CDON: variants seen among roughly 807,000 people sequenced by gnomAD.
CDON encodes cell adhesion associated, oncogene regulated, also known as cell adhesion molecule-related/down-regulated by oncogenes.
Under a neutral mutation model 120.9 loss-of-function variants are expected in CDON, and 73 were observed. The ratio of observed to expected loss-of-function variants is 0.60; its 90% CI spans 0.50 to 0.73. The LOEUF (loss-of-function observed/expected upper bound fraction) is 0.73, where lower values mean the gene tolerates loss of function less well. Among genes scored for constraint, CDON ranks in the 30% least tolerant of loss-of-function variants. CDON has a pLI of 0.00. For synonymous variants in CDON, 566 were observed against 573.5 expected, an observed-to-expected ratio of 0.99 and a Z score of 0.19; for missense variants, 1,470 against 1,587.3, an observed-to-expected ratio of 0.93 and a Z score of 1.26.
At chr11:126,039,326 G>T (rs928354811) in intron 1 of CDON, among the ~76,000 whole-genome samples, 1 of 152,090 alleles carries the variant, frequency 6.6e-6, no homozygotes, top group Non-Finnish European at 1.5e-5. Context: ...AAACAAAACA[G>T]CTATATATCC....
chr11:126,042,416 C>T lies in CDON; in HGVS notation c.-61-18879G>A, dbSNP rs143326883. On this transcript the variant is annotated intron_variant, in intron 1 of 19. Transcript: ENST00000531738. ...GACACATGCAGTATGAAAAATCTTG[C>T]CAAATAATTCTGATAATCTAATCCA... is the stretch of plus-strand genomic sequence containing the variant. Among the ~76,000 whole-genome samples, 508 of 152,228 alleles carry T rather than the reference C, an allele frequency of 3.3e-3. 7 individuals carry two copies. Among genetic ancestry groups the T allele is most frequent in the African/African-American group, 0.011 (448 of 41,540 alleles).
Position 126,006,067 on chromosome 11 carries a change from G to C in CDON, c.1553-10C>G. The C allele has an allele frequency of 1.9e-6, 3 of 1,612,012 alleles. No individual in the cohort carries two copies. The highest frequency in any genetic ancestry group is 2.2e-5 in the East Asian group (1 of 44,852). ...TTTGTTTCAAAAGGAACTGCAGGGA[G>C]AGAGAGAGGAGACAGCTTGAAGATA... On this transcript the variant is annotated splice_polypyrimidine_tract_variant and intron_variant, in intron 8 of 19. Coordinates refer to ENST00000531738, the MANE Select transcript of CDON (RefSeq NM_001378964.1).
At chr11:125,971,406 ATAAATAAT>A (rs1945991190) in intron 18 of CDON, among the ~76,000 whole-genome samples, 1 of 149,346 alleles carries the variant, frequency 6.7e-6, no homozygotes, top group Non-Finnish European at 1.5e-5. Context: ...AAATAAATAA[ATAAATAAT>A]AATAATTAAT....
At chr11:125,988,275 C>A (rs552116187) in intron 15 of CDON, among the ~76,000 whole-genome samples, 1 of 152,246 alleles carries the variant, frequency 6.6e-6, no homozygotes, top group African/African-American at 2.4e-5. Flanking sequence ...TATGATAACA[C>A]TTTAAAGGTG....
intron 17 of CDON, among the ~76,000 whole-genome samples, chr11:125,980,576 C>T (rs1012620870): frequency 1.3e-5 from 2 of 152,132 alleles, no homozygotes; most frequent in Non-Finnish European, 1.5e-5. Flanking sequence ...CGCCCTCAGT[C>T]CATGACGACT....
At chr11:126,061,706 T>C (rs1565564294) in intron 1 of CDON, among the ~76,000 whole-genome samples, 1 of 152,218 alleles carries the variant, frequency 6.6e-6, no homozygotes, top group Admixed American at 6.5e-5. Flanking sequence ...ACCTCCTGTT[T>C]TTCAAGGTGT....
intron 1 of CDON, among the ~76,000 whole-genome samples, chr11:126,028,821 A>ATG (rs147411181): frequency 0.013 from 1,883 of 149,958 alleles, 22 homozygotes; most frequent in African/African-American, 0.03. Context: ...GTGTATATGT[A>ATG]TGTGTGTGTG....
intron 1 of CDON, among the ~76,000 whole-genome samples, chr11:126,040,640 C>T: frequency 6.7e-6 from 1 of 149,854 alleles, no homozygotes; most frequent in Middle Eastern, 3.3e-3. Flanking sequence ...ACGGTGAAAC[C>T]CCGTCTCTAC....
intron 6 of CDON, among the ~76,000 whole-genome samples, chr11:126,016,483 A>C (rs2134665696): frequency 6.6e-6 from 1 of 152,250 alleles, no homozygotes; most frequent in African/African-American, 2.4e-5. Flanking sequence ...CCCAGACTGG[A>C]GTGCGGTGGC....
chr11:126,016,018 G>A (rs559619889), intron 6 of CDON, among the ~76,000 whole-genome samples: 13 of 152,288 alleles, frequency 8.5e-5, no homozygotes, highest in Admixed American at 3.9e-4. Flanking sequence ...TTACCCACAA[G>A]TGTATCATTT....
intron 16 of CDON, among the ~76,000 whole-genome samples, chr11:125,981,965 A>ATTTCCTTTTTTT (rs1946318366): frequency 2.9e-5 from 1 of 34,428 alleles, no homozygotes; most frequent in African/African-American, 8.2e-5. Context: ...AAGTGATTCT[A>ATTTCCTTTTTTT]TTTTCTTTTT....
intron 14 of CDON, among the ~76,000 whole-genome samples, chr11:125,990,147 G>T (rs978777193): frequency 6.6e-6 from 1 of 152,072 alleles, no homozygotes; most frequent in Non-Finnish European, 1.5e-5. Flanking sequence ...CCACCAAAAA[G>T]CAACAGGACA....
At chr11:126,010,225 C>G in intron 8 of CDON, 116 bp downstream of exon 8, 1 of 776,794 alleles carries the variant, frequency 1.3e-6, no homozygotes, top group Admixed American at 2.4e-5. Context: ...TCACTGTCAT[C>G]AGGAAAAAAT....
At chr11:125,980,920 T>C in intron 17 of CDON, 129 bp downstream of exon 17, 1 of 875,688 alleles carries the variant, frequency 1.1e-6, no homozygotes, top group Non-Finnish European at 1.9e-6. Context: ...CTGCCAGTGA[T>C]CCATGCTGTT....
chr11:125,963,489 T>A (rs1346607894), intron 18 of CDON, among the ~76,000 whole-genome samples: 1 of 152,162 alleles, frequency 6.6e-6, no homozygotes, highest in East Asian at 1.9e-4. Flanking sequence ...GATATGTTTC[T>A]GGGGCAAAGA....
At chr11:126,040,681 G>T (rs1223419057) in intron 1 of CDON, among the ~76,000 whole-genome samples, 1 of 151,518 alleles carries the variant, frequency 6.6e-6, no homozygotes, top group Non-Finnish European at 1.5e-5. Flanking sequence ...CGGGCCTGGT[G>T]GCCGGCGCCT....
chr11:125,989,552 A>G (rs1946568129), intron 15 of CDON, 85 bp downstream of exon 15: 3 of 1,352,074 alleles, frequency 2.2e-6, no homozygotes, highest in Admixed American at 1.7e-5. Flanking sequence ...AGACAAAACA[A>G]AACCCAGAAT....
Position 125,976,116 on chromosome 11 carries a change from T to C in CDON, c.3356+2188A>G, listed in dbSNP as rs576073287. Among the ~76,000 whole-genome samples the C allele has an allele frequency of 3.9e-5, 6 of 152,370 alleles. No homozygotes were observed. The East Asian group carries it at 1.2e-3, about 29-fold the overall frequency. On this transcript the variant is annotated intron_variant, in intron 18 of 19. Coordinates refer to ENST00000531738, the MANE Select transcript of CDON (RefSeq NM_001378964.1). ...GAGAGTAAACCACGTATCATCTACC[T>C]TTCGGCATTCACAGCTTTTTACAAA...
chr11:126,042,600 G>C (rs537104582), intron 1 of CDON, among the ~76,000 whole-genome samples: 1 of 152,206 alleles, frequency 6.6e-6, no homozygotes, highest in South Asian at 2.1e-4. Flanking sequence ...TTAAGTTTAT[G>C]GTTCAAAGAT....
Sources: allele counts gnomAD v4.1 joint callset (sites outside exome capture counted in the v4.1 genomes callset), GRCh38; gene constraint gnomAD v4.1.1; transcripts MANE v1.5; gene names NCBI Gene and HGNC (gene_info 2026-07-23, HGNC 2026-07-21).